The following STARD13 variants were observed in gnomAD, a reference collection of about 807,000 sequenced individuals.
The protein encoded by STARD13 is stAR-related lipid transfer protein 13.
STARD13 carries 62 observed loss-of-function variants against 106.4 expected under a neutral mutation model. The ratio of observed to expected loss-of-function variants is 0.58; its 90% confidence interval spans 0.48 to 0.72. The LOEUF is 0.72. Among genes scored for constraint, STARD13 ranks in the 30% least tolerant of loss-of-function variants. The pLI, the probability that STARD13 is intolerant of heterozygous loss-of-function variation, is 0.00. For synonymous variants in STARD13, 565 were observed against 553.0 expected, an observed-to-expected ratio of 1.02 and a Z score of -0.31; for missense variants, 1,387 against 1,424.0, an observed-to-expected ratio of 0.97 and a Z score of 0.42.
intron 3 of STARD13, among the ~76,000 whole-genome samples, chr13:33,162,230 C>T (rs1389223932): frequency 6.6e-6 from 1 of 152,204 alleles, no homozygotes; most frequent in Non-Finnish European, 1.5e-5. Context: ...CTTCTGCCTA[C>T]GACACAGGGC....
At chr13:33,431,240 G>T in the STARD13 span, among the ~76,000 whole-genome samples, 10 of 152,064 alleles carry the variant, frequency 6.6e-5, no homozygotes. Flanking sequence ...ATAAAAAAAT[G>T]TGGCAAGTCT....
At chr13:33,340,907 A>G (rs2077952737) in intron 1 of STARD13, among the ~76,000 whole-genome samples, 1 of 152,222 alleles carries the variant, frequency 6.6e-6, no homozygotes, top group Admixed American at 6.5e-5. Context: ...AGATACAGCC[A>G]TGGTACTGAA....
At chr13:33,582,619 T>C in the STARD13 span, among the ~76,000 whole-genome samples, 2 of 152,230 alleles carry the variant, frequency 1.3e-5, no homozygotes, top group South Asian at 4.1e-4. Flanking sequence ...ATTTTTGATA[T>C]TTGTTATCAC....
the STARD13 span, among the ~76,000 whole-genome samples, chr13:33,667,587 C>T: frequency 6.6e-6 from 1 of 152,180 alleles, no homozygotes. Flanking sequence ...TTCTAAGACA[C>T]CATCCTCTGT....
chr13:33,219,675 C>T (rs546012666), intron 1 of STARD13, among the ~76,000 whole-genome samples: 1 of 151,276 alleles, frequency 6.6e-6, no homozygotes, highest in Non-Finnish European at 1.5e-5. Context: ...CACGGTGGTG[C>T]ATGCCTGTAG....
chr13:33,671,684 T>C, the STARD13 span, among the ~76,000 whole-genome samples: 51 of 152,170 alleles, frequency 3.4e-4, 1 homozygote, highest in Non-Finnish European at 5.7e-4. Context: ...GGGCTATGAC[T>C]GGGCCACTGC....
chr13:33,229,894 T>C (rs1888824811), intron 1 of STARD13, among the ~76,000 whole-genome samples: 1 of 152,152 alleles, frequency 6.6e-6, no homozygotes, highest in Admixed American at 6.5e-5. Flanking sequence ...CCTTAATGGG[T>C]TCACAATTTG....
At chr13:33,172,666 G>A (rs1161563463) in intron 1 of STARD13, among the ~76,000 whole-genome samples, 1 of 152,248 alleles carries the variant, frequency 6.6e-6, no homozygotes, top group Admixed American at 6.5e-5. Flanking sequence ...TGTACATTTT[G>A]TTTTACGTTT....
chr13:33,511,955 T>G, the STARD13 span, among the ~76,000 whole-genome samples: 1 of 151,846 alleles, frequency 6.6e-6, no homozygotes, highest in African/African-American at 2.4e-5. Context: ...AGAAAAAAAA[T>G]TGGCCATTAA....
At chr13:33,219,827 G>A (rs1003278) in intron 1 of STARD13, among the ~76,000 whole-genome samples, 100,331 of 121,718 alleles carry the variant, frequency 0.82, 41,764 homozygotes, top group East Asian at 0.98. Flanking sequence ...AAAAAAAAAA[G>A]AAAGAAAGAA....
intron 3 of STARD13, among the ~76,000 whole-genome samples, chr13:33,148,489 A>T (rs1488585763): frequency 2.0e-5 from 3 of 152,242 alleles, no homozygotes; most frequent in African/African-American, 7.2e-5. Flanking sequence ...ACTCAACATC[A>T]CATGTCATTA....
At chr13:33,442,393 G>A in the STARD13 span, among the ~76,000 whole-genome samples, 1 of 152,242 alleles carries the variant, frequency 6.6e-6, no homozygotes. Context: ...ATAACTGAAA[G>A]TCAGATTACT....
the STARD13 span, among the ~76,000 whole-genome samples, chr13:33,630,072 A>G: frequency 6.6e-6 from 1 of 152,320 alleles, no homozygotes; most frequent in South Asian, 2.1e-4. Context: ...ATTTTTGTAT[A>G]TTTACAAAAG....
intron 1 of STARD13, among the ~76,000 whole-genome samples, chr13:33,174,448 A>C (rs1381318866): frequency 1.3e-5 from 2 of 152,100 alleles, no homozygotes; most frequent in African/African-American, 2.4e-5. Flanking sequence ...TGGCCAATTA[A>C]ATGTGAACAG....
At chr13:33,453,493 T>C in the STARD13 span, among the ~76,000 whole-genome samples, 5 of 152,214 alleles carry the variant, frequency 3.3e-5, no homozygotes, top group Admixed American at 6.5e-5. Context: ...GAGAAAACAC[T>C]GGTGATGTTG....
intron 1 of STARD13, chr13:33,272,552 A>G (rs1235809741): frequency 6.6e-6 from 1 of 152,228 alleles, no homozygotes; most frequent in Non-Finnish European, 1.5e-5. Flanking sequence ...CTGCCTATCC[A>G]TGACAAACCC....
intron 1 of STARD13, among the ~76,000 whole-genome samples, chr13:33,170,648 C>T (rs1232856657): frequency 6.6e-6 from 1 of 152,136 alleles, no homozygotes; most frequent in South Asian, 2.1e-4. Flanking sequence ...AGAAGCAGCC[C>T]TGTCCTAGCC....
intron 1 of STARD13, among the ~76,000 whole-genome samples, chr13:33,178,587 A>G (rs988383130): frequency 6.6e-6 from 1 of 152,230 alleles, no homozygotes; most frequent in Non-Finnish European, 1.5e-5. Flanking sequence ...ATGATGCTAC[A>G]GGGATATCTT....
chr13:33,183,006 C>T (rs1178089638), intron 1 of STARD13, among the ~76,000 whole-genome samples: 1 of 152,236 alleles, frequency 6.6e-6, no homozygotes, highest in Non-Finnish European at 1.5e-5. Context: ...TGTGCTTACA[C>T]TGTTTCCTCT....
Sources: gnomAD v4.1 joint callset for allele counts (sites outside exome capture counted in the v4.1 genomes callset) on GRCh38, gnomAD v4.1.1 for gene constraint, MANE v1.5 for transcripts, NCBI Gene and HGNC (gene_info 2026-07-23, HGNC 2026-07-21) for gene names.